The following AFF1 variants were observed in gnomAD, a reference collection of about 807,000 sequenced individuals.
AFF1 encodes the protein AF4/FMR2 family member 1.
In AFF1, 48 loss-of-function variants were observed where a neutral mutation model predicts 121.7. The ratio of observed to expected loss-of-function variants is 0.39; its 90% CI spans 0.31 to 0.50. The LOEUF is 0.50. Ranked by LOEUF, AFF1 falls within the 20% of genes least tolerant of loss-of-function variation. AFF1 has a pLI of 0.76. For synonymous variants in AFF1, 613 were observed against 563.0 expected, an observed-to-expected ratio of 1.09 and a Z score of -1.26; for missense variants, 1,523 against 1,511.7, an observed-to-expected ratio of 1.01 and a Z score of -0.12.
chr4:87,074,821 A>G (rs1008657951), intron 4 of AFF1, among the ~76,000 whole-genome samples: 12 of 152,204 alleles, frequency 7.9e-5, no homozygotes, highest in African/African-American at 2.9e-4. Context: ...CAGCATTGTT[A>G]CTGCTTCTCT....
intron 2 of AFF1, among the ~76,000 whole-genome samples, chr4:86,997,477 C>T (rs1725303621): frequency 6.6e-6 from 1 of 152,054 alleles, no homozygotes; most frequent in Non-Finnish European, 1.5e-5. Context: ...AAAATGCATA[C>T]TTGGGCTGGG....
At chr4:87,010,423 T>A (rs950815874) in intron 2 of AFF1, among the ~76,000 whole-genome samples, 4 of 152,220 alleles carry the variant, frequency 2.6e-5, no homozygotes, top group Non-Finnish European at 5.9e-5. Context: ...GTGCTTTCTT[T>A]GGAACCTATA....
At chr4:86,948,862 T>G (rs1219372015) in intron 2 of AFF1, among the ~76,000 whole-genome samples, 1 of 152,154 alleles carries the variant, frequency 6.6e-6, no homozygotes, top group South Asian at 2.1e-4. Flanking sequence ...ATAACAAGAT[T>G]GCACTGATTT....
rs772858960 is a variant in AFF1 at position 87,090,009 on chromosome 4, C to T, written c.1130C>T (p.Pro377Leu). The T allele has an allele frequency of 1.9e-6, 3 of 1,613,760 alleles. No individual in the cohort carries two copies. Among genetic ancestry groups the T allele is most frequent in the Non-Finnish European group, 2.5e-6 (3 of 1,179,944 alleles). Residue 377 changes from proline (P) to leucine (L), a missense_variant, in exon 6 of 21, where the codon CCT becomes CTT. Transcript: ENST00000395146. Reference sequence around the variant, plus strand: ...GAAATGACCCATTCATGGCCGCCTCCTTTGACAGCAATACATACGCCTAGT... The same window carrying T: ...GAAATGACCCATTCATGGCCGCCTCTTTTGACAGCAATACATACGCCTAGT... ...LKEMTHSWPP[P>L]LTAIHTPSTA...
intron 5 of AFF1, among the ~76,000 whole-genome samples, chr4:87,086,743 C>CT (rs1723776938): frequency 6.6e-6 from 1 of 152,214 alleles, no homozygotes; most frequent in African/African-American, 2.4e-5. Context: ...CCAGATGCTA[C>CT]TTTCCTTTGC....
At chr4:86,959,133 T>C (rs1231599045) in intron 2 of AFF1, among the ~76,000 whole-genome samples, 1 of 152,216 alleles carries the variant, frequency 6.6e-6, no homozygotes, top group Non-Finnish European at 1.5e-5. Context: ...TCAATAGTGC[T>C]GAGATTGAGA....
At chr4:87,089,955 T>G (rs746435076) in intron 5 of AFF1, 29 bp from the exon 6 acceptor site, 2 of 1,570,264 alleles carry the variant, frequency 1.3e-6, no homozygotes, top group Non-Finnish European at 1.8e-6. Flanking sequence ...ATAATTTACT[T>G]TTTCTTCCCT....
intron 2 of AFF1, chr4:86,973,759 TTTTTC>T (rs916527796): frequency 1.0e-3 from 154 of 152,348 alleles, no homozygotes; most frequent in African/African-American, 3.5e-3. Flanking sequence ...TCCTTTCTTT[TTTTTC>T]TTTTCTTCCT....
At chr4:86,984,917 TC>T in intron 2 of AFF1, among the ~76,000 whole-genome samples, 1 of 151,562 alleles carries the variant, frequency 6.6e-6, no homozygotes, top group African/African-American at 2.4e-5. Context: ...TGAGACTCCA[TC>T]TAAAAAAATA....
chr4:87,021,924 C>T (rs569657173), intron 2 of AFF1, among the ~76,000 whole-genome samples: 80 of 152,222 alleles, frequency 5.3e-4, no homozygotes, highest in African/African-American at 1.9e-3. Flanking sequence ...CATGCTAGGG[C>T]GGGCGCAGTG....
chr4:87,127,166 T>TGGGGG, intron 15 of AFF1, 49 bp downstream of exon 15: 2 of 1,084,600 alleles, frequency 1.8e-6, no homozygotes, highest in Non-Finnish European at 2.6e-6. Flanking sequence ...TTGTTTTGCT[T>TGGGGG]CCCCCCCCCA....
At chr4:87,117,066 T>C (rs1177598012) in intron 12 of AFF1, among the ~76,000 whole-genome samples, 1 of 152,104 alleles carries the variant, frequency 6.6e-6, no homozygotes, top group African/African-American at 2.4e-5. Context: ...TACTCACTTC[T>C]GAAAGGATTA....
At chr4:87,003,186 ATC>A (rs34036470) in intron 2 of AFF1, among the ~76,000 whole-genome samples, 20,461 of 152,176 alleles carry the variant, frequency 0.13, 1,849 homozygotes, top group Middle Eastern at 0.23. Flanking sequence ...AGCCCAGGGA[ATC>A]TCAGGTGTAA....
chr4:87,094,591 G>A (rs1239154889), intron 7 of AFF1, among the ~76,000 whole-genome samples: 3 of 152,180 alleles, frequency 2.0e-5, no homozygotes, highest in African/African-American at 7.2e-5. Context: ...GGCGCTGGGA[G>A]CATAGCCCTG....
At chr4:87,025,493 T>C (rs1016086903) in intron 2 of AFF1, among the ~76,000 whole-genome samples, 1 of 152,228 alleles carries the variant, frequency 6.6e-6, no homozygotes, top group African/African-American at 2.4e-5. Context: ...TCCTGCATTA[T>C]TGTGGTGGCT....
In AFF1 at chr4:87,021,310, G is replaced by T. The variant is rs368169406; in HGVS notation, c.39-24856G>T. Among the ~76,000 whole-genome samples, 12 of 152,276 alleles carry T rather than the reference G, an allele frequency of 7.9e-5. No homozygotes were observed. The South Asian group carries it at 2.3e-3, about 29-fold the overall frequency. ...ATGGAATGGGAAAGGCTAAAGTAGAGGGCCAGGGACTCCTGAGTCACTCAC... is the reference window on the plus strand; with the variant it reads ...ATGGAATGGGAAAGGCTAAAGTAGATGGCCAGGGACTCCTGAGTCACTCAC... On this transcript the variant is annotated intron_variant, in intron 2 of 20. Coordinates refer to ENST00000395146, the MANE Select transcript of AFF1 (RefSeq NM_001166693.3).
chr4:87,125,724 T>C (rs1241312335), intron 13 of AFF1, among the ~76,000 whole-genome samples: 4 of 152,128 alleles, frequency 2.6e-5, no homozygotes, highest in Non-Finnish European at 5.9e-5. Context: ...CAAAAACAAG[T>C]GCATAGTGTC....
intron 4 of AFF1, chr4:87,049,842 A>G (rs1731101102): frequency 6.9e-6 from 3 of 436,102 alleles, no homozygotes; most frequent in Non-Finnish European, 1.4e-5. Context: ...TTAGGAGCCA[A>G]GAGCATGGAA....
rs1731467764 is a variant in AFF1 at position 87,053,520 on chromosome 4, C to T, written c.1059+5926C>T. On this transcript the variant is annotated intron_variant, in intron 4 of 20. Coordinates refer to ENST00000395146, the MANE Select transcript of AFF1 (RefSeq NM_001166693.3). ...ATTTAAACCTCAAGAAGAGGGACTT[C>T]CCTATTATGAGATGATCTAAACCTT... Among the ~76,000 whole-genome samples, 4 of 152,204 alleles carry T rather than the reference C, an allele frequency of 2.6e-5. No individual in the cohort carries two copies. In the South Asian group the frequency reaches 8.3e-4, roughly 32 times the overall value.
Sources: gnomAD v4.1 joint callset for allele counts (sites outside exome capture counted in the v4.1 genomes callset) on GRCh38, gnomAD v4.1.1 for gene constraint, MANE v1.5 for transcripts, NCBI Gene and HGNC (gene_info 2026-07-23, HGNC 2026-07-21) for gene names.